Variants in INPP4B observed in about 807,000 individuals in gnomAD.
The protein encoded by INPP4B is inositol polyphosphate-4-phosphatase type II B, also known as inositol polyphosphate 4-phosphatase type II.
INPP4B carries 55 observed loss-of-function variants against 122.5 expected under a neutral mutation model. That is an observed-to-expected ratio of 0.45 (90% confidence interval 0.36 to 0.56). INPP4B has a LOEUF of 0.56. Ranked by LOEUF, INPP4B falls within the 20% of genes least tolerant of loss-of-function variation. INPP4B has a pLI of 0.00. For missense variants in INPP4B, 1,000 were observed against 1,097.7 expected (o/e 0.91, Z 1.26); for synonymous variants, 403 against 388.7 (o/e 1.04, Z -0.43).
chr4:142,830,258 G>A (rs1368737341), intron 1 of INPP4B, among the ~76,000 whole-genome samples: 2 of 152,202 alleles, frequency 1.3e-5, no homozygotes, highest in South Asian at 2.1e-4. Context: ...ACCAAAGCAA[G>A]AATTTTTCTA....
chr4:142,622,990 G>C (rs1745306062), intron 2 of INPP4B, among the ~76,000 whole-genome samples: 1 of 151,820 alleles, frequency 6.6e-6, no homozygotes, highest in Non-Finnish European at 1.5e-5. Context: ...GAGATGTTTT[G>C]GCCCTTAACA....
chr4:142,682,097 T>A (rs1430462629), intron 2 of INPP4B, among the ~76,000 whole-genome samples: 1 of 151,942 alleles, frequency 6.6e-6, no homozygotes, highest in Non-Finnish European at 1.5e-5. Context: ...GAAAATTATT[T>A]CATCTGCTTC....
chr4:142,208,649 T>G, intron 13 of INPP4B, 120 bp from the exon 14 acceptor site: 1 of 551,868 alleles, frequency 1.8e-6, no homozygotes, highest in Non-Finnish European at 3.0e-6. Flanking sequence ...ATATCCTATA[T>G]TTATGAGTTG....
At chr4:142,422,743 G>T (rs1025957990) in intron 5 of INPP4B, among the ~76,000 whole-genome samples, 11 of 152,134 alleles carry the variant, frequency 7.2e-5, no homozygotes, top group African/African-American at 2.7e-4. Flanking sequence ...CAGCCTAGGA[G>T]TTGGAGGCTG....
intron 1 of INPP4B, among the ~76,000 whole-genome samples, chr4:142,729,506 T>C (rs1197693017): frequency 3.7e-5 from 3 of 80,542 alleles, no homozygotes; most frequent in Non-Finnish European, 7.8e-5. Context: ...CTCTGGAATA[T>C]AGCAGTGGAA....
chr4:142,490,040 G>T (rs1333957950), intron 2 of INPP4B, among the ~76,000 whole-genome samples: 1 of 151,924 alleles, frequency 6.6e-6, no homozygotes, highest in Non-Finnish European at 1.5e-5. Flanking sequence ...AGGGGGGAAA[G>T]GAGGGTCTTG....
chr4:142,837,602 A>C (rs181002705), intron 1 of INPP4B, among the ~76,000 whole-genome samples: 1 of 152,192 alleles, frequency 6.6e-6, no homozygotes, highest in Non-Finnish European at 1.5e-5. Flanking sequence ...AGAAGGGCTC[A>C]ATAAATTTTA....
At chr4:142,602,754 C>A (rs912171348) in intron 2 of INPP4B, among the ~76,000 whole-genome samples, 1 of 152,068 alleles carries the variant, frequency 6.6e-6, no homozygotes, top group Admixed American at 6.6e-5. Context: ...CACTTTTGCA[C>A]GTTGGTGGGA....
At chr4:142,435,036 G>A (rs1810131920) in intron 3 of INPP4B, among the ~76,000 whole-genome samples, 2 of 152,150 alleles carry the variant, frequency 1.3e-5, no homozygotes, top group African/African-American at 2.4e-5. Context: ...AGCAGTGACT[G>A]GGCCAGGATT....
At chr4:142,667,353 A>G (rs549943476) in intron 2 of INPP4B, among the ~76,000 whole-genome samples, 19 of 152,262 alleles carry the variant, frequency 1.2e-4, no homozygotes, top group African/African-American at 4.6e-4. Flanking sequence ...TGCTTCCACC[A>G]TCATGTACCT....
chr4:142,251,261 CTTATAA>C (rs1265570348), intron 11 of INPP4B, among the ~76,000 whole-genome samples: 2 of 152,068 alleles, frequency 1.3e-5, no homozygotes, highest in African/African-American at 2.4e-5. Context: ...TAAAATTTGT[CTTATAA>C]TTATAGTATA....
intron 1 of INPP4B, among the ~76,000 whole-genome samples, chr4:142,742,289 C>A (rs1440985779): frequency 6.6e-6 from 1 of 151,972 alleles, no homozygotes; most frequent in African/African-American, 2.4e-5. Context: ...TTTTGTGGAA[C>A]CCTCAGGTTG....
chr4:142,208,499 C>T lies in INPP4B; in HGVS notation c.998G>A (p.Gly333Glu). The change falls in exon 14 of 26, where the codon GGA becomes GAA. Residue 333 changes from glycine (G) to glutamate (E), a missense_variant. By Grantham distance (98) the Gly-to-Glu change is moderately conservative. Transcript: ENST00000262992. ...GSSFKSSSSK[G>E]EKTLEFVPIN... Reference sequence around the variant, plus strand: ...TGGAACAAATTCTAATGTTTTCTCTCCTTTGCTGCTGCTTGATTTGAAAGA... The same window carrying T: ...TGGAACAAATTCTAATGTTTTCTCTTCTTTGCTGCTGCTTGATTTGAAAGA... 6.3e-7 allele frequency: 1 copy of T among 1,599,790 alleles called. No homozygotes were observed. Among genetic ancestry groups the T allele is most frequent in the Non-Finnish European group, 8.5e-7 (1 of 1,172,554 alleles).
chr4:142,812,067 C>G lies in INPP4B; in HGVS notation c.-254+34142G>C, dbSNP rs186911342. Among the ~76,000 whole-genome samples the G allele has an allele frequency of 7.1e-4, 108 of 152,032 alleles. No homozygotes were observed. The Middle Eastern group carries it at 0.02, about 29-fold the overall frequency. ...TGGATGTATGAAGATGAGTAGTTAC[C>G]CAATACCTGCTCCCAAACAGCTTAA... On this transcript the variant is annotated intron_variant, in intron 1 of 25. Transcript: ENST00000262992.
intron 2 of INPP4B, among the ~76,000 whole-genome samples, chr4:142,598,212 G>GTGAGAGAAC (rs1739128173): frequency 1.3e-5 from 2 of 152,144 alleles, no homozygotes; most frequent in African/African-American, 4.8e-5. Context: ...GAAAGGGTAA[G>GTGAGAGAAC]TGAGAGAACT....
chr4:142,104,051 A>G (rs1443483786), intron 23 of INPP4B, among the ~76,000 whole-genome samples: 1 of 152,142 alleles, frequency 6.6e-6, no homozygotes, highest in Non-Finnish European at 1.5e-5. Context: ...GTGCTAGCAT[A>G]GGAATCATTA....
At chr4:142,813,631 C>A (rs1032775532) in intron 1 of INPP4B, among the ~76,000 whole-genome samples, 1 of 152,084 alleles carries the variant, frequency 6.6e-6, no homozygotes, top group African/African-American at 2.4e-5. Flanking sequence ...GTTGGCAAAG[C>A]TTTCTCATGG....
At chr4:142,347,517 GT>G (rs1376923882) in intron 7 of INPP4B, 2 of 440,688 alleles carry the variant, frequency 4.5e-6, no homozygotes, top group Non-Finnish European at 9.1e-6. Flanking sequence ...TGCCTCAGGG[GT>G]CAAAAAATTC....
At position 142,550,408 on chromosome 4, in the gene INPP4B, T is replaced by C. The variant is rs190052262; in HGVS notation, c.-190-87682A>G. On this transcript the variant is annotated intron_variant, in intron 2 of 25. Transcript: ENST00000262992. Reference sequence around the variant, plus strand: ...CAAAATGAGCAAACCAGGATGTTAGTAATCTTGGTAGAGAAGTGGCTCAAG... The same window carrying C: ...CAAAATGAGCAAACCAGGATGTTAGCAATCTTGGTAGAGAAGTGGCTCAAG... Among the ~76,000 whole-genome samples, 146 of 152,132 alleles carry C rather than the reference T, an allele frequency of 9.6e-4. 2 individuals carry two copies. The highest frequency in any genetic ancestry group is 3.3e-3 in the African/African-American group (137 of 41,530).
Sources: allele counts gnomAD v4.1 joint callset (sites outside exome capture counted in the v4.1 genomes callset), GRCh38; gene constraint gnomAD v4.1.1; transcripts MANE v1.5; gene names NCBI Gene and HGNC (gene_info 2026-07-23, HGNC 2026-07-21).